Variants in DENND4A observed in about 807,000 individuals in gnomAD.
DENND4A encodes the protein C-myc promoter-binding protein.
In DENND4A, 70 loss-of-function variants were observed where a neutral mutation model predicts 199.3. That is an observed-to-expected ratio of 0.35 (90% CI 0.29 to 0.43). DENND4A has a LOEUF of 0.43. Among genes scored for constraint, DENND4A ranks in the 20% least tolerant of loss-of-function variants. The probability of loss-of-function intolerance (pLI) is 1.00; values close to 1 mark genes in which losing one functional copy is unlikely to be tolerated. For missense variants in DENND4A, 1,723 were observed against 2,255.8 expected (o/e 0.76, Z 4.78); for synonymous variants, 686 against 766.9 (o/e 0.89, Z 1.74).
Position 65,701,205 on chromosome 15 carries a change from CAAAAT to C in DENND4A, c.2560-18_2560-14del. 1 of 1,535,044 alleles carries C rather than the reference CAAAAT, an allele frequency of 6.5e-7. No homozygotes were observed. Among genetic ancestry groups the C allele is most frequent in the Non-Finnish European group, 8.7e-7 (1 of 1,146,524 alleles). On this transcript the variant is annotated splice_polypyrimidine_tract_variant and intron_variant, in intron 18 of 32. Coordinates refer to ENST00000443035, the MANE Select transcript of DENND4A (RefSeq NM_001320835.1). The stretch of plus-strand genomic sequence containing the variant: ...TTTCCAAAACAGCCTATTCATTCAA[CAAAAT>C]AAAATAATTAGTAAAATAATTTTTA...
At chr15:65,699,807 G>C (rs895994654) in intron 20 of DENND4A, among the ~76,000 whole-genome samples, 1 of 151,022 alleles carries the variant, frequency 6.6e-6, no homozygotes, top group Non-Finnish European at 1.5e-5. Flanking sequence ...AGCCTCCCTA[G>C]TATCTGGGAG....
chr15:65,727,724 A>T, intron 11 of DENND4A: 1 of 214,556 alleles, frequency 4.7e-6, no homozygotes. Context: ...TATTATAAAC[A>T]TGTCCTGTGG....
At position 65,737,708 on chromosome 15, in the gene DENND4A, T is replaced by C; in HGVS notation, c.1039A>G (p.Lys347Glu). The C allele has an allele frequency of 6.4e-7, 1 of 1,566,256 alleles. No homozygotes were observed. Among genetic ancestry groups the C allele is most frequent in the Non-Finnish European group, 8.7e-7 (1 of 1,155,146 alleles). Residue 347 changes from lysine (K) to glutamate (E), a missense_variant and splice_region_variant, in exon 7 of 33, where the codon AAG (lysine) becomes GAG (glutamate). By Grantham distance (56) the Lys-to-Glu change is moderately conservative. Transcript: ENST00000443035. Reference sequence around the variant, plus strand: ...TTGAACCAAGAACACTTAACTTACTTCTCAATTGGAAGGACATGAGGCCCA... The same window carrying C: ...TTGAACCAAGAACACTTAACTTACTCCTCAATTGGAAGGACATGAGGCCCA... ...ISGPHVLPIEKHISHFMHKVP... is the reference protein window; with the variant it reads ...ISGPHVLPIEEHISHFMHKVP...
At chr15:65,757,721 G>A (rs2076745269) in intron 2 of DENND4A, among the ~76,000 whole-genome samples, 2 of 152,200 alleles carry the variant, frequency 1.3e-5, no homozygotes, top group South Asian at 2.1e-4. Context: ...GGTGGCTCAC[G>A]CCTGTAATCC....
rs532764535 is a variant in DENND4A at position 65,755,801 on chromosome 15, T to G, written c.311+339A>C. 7.9e-5 allele frequency among the ~76,000 whole-genome samples: 12 copies of G among 152,300 alleles called. No individual in the cohort carries two copies. In the East Asian group the frequency reaches 2.3e-3, roughly 29 times the overall value. The stretch of plus-strand genomic sequence containing the variant: ...AAAAATCCATCTATACTGATCATTA[T>G]AACATGCTTAAAAGCCTTTTTTCGT... On this transcript the variant is annotated intron_variant, in intron 3 of 32. Coordinates refer to ENST00000443035, the MANE Select transcript of DENND4A (RefSeq NM_001320835.1).
In DENND4A at chr15:65,691,058, G is replaced by A; in HGVS notation, c.3536C>T (p.Ala1179Val). ...DLDSETDVSK[A>V]GCVATQNPKR... ...GGGATTTTGTGTAGCAACACATCCT[G>A]CTTTTGATACATCTGTTTCACTGTC... Residue 1179 changes from alanine to valine, a missense_variant, in exon 23 of 33, where the codon GCA becomes GTA. Physicochemically the swap from Ala to Val is moderately conservative, Grantham distance 64. Coordinates refer to ENST00000443035, the MANE Select transcript of DENND4A (RefSeq NM_001320835.1). 6.2e-7 allele frequency: 1 copy of A among 1,612,826 alleles called. No individual in the cohort carries two copies. Among genetic ancestry groups the A allele is most frequent in the Non-Finnish European group, 8.5e-7 (1 of 1,179,410 alleles).
intron 14 of DENND4A, among the ~76,000 whole-genome samples, chr15:65,714,291 T>G (rs1334715614): frequency 6.6e-6 from 1 of 151,876 alleles, no homozygotes; most frequent in Non-Finnish European, 1.5e-5. Flanking sequence ...CGGGTGCCTG[T>G]AGTCCCAGCT....
intron 4 of DENND4A, among the ~76,000 whole-genome samples, chr15:65,743,305 T>C (rs895939212): frequency 3.3e-5 from 5 of 152,222 alleles, no homozygotes; most frequent in Non-Finnish European, 7.3e-5. Flanking sequence ...CATAATTTAT[T>C]CTGCTTTAAG....
At chr15:65,696,809 A>T (rs76022458) in intron 21 of DENND4A, 1 of 279,842 alleles carries the variant, frequency 3.6e-6, no homozygotes, top group South Asian at 4.5e-5. Context: ...TCCATTAAAC[A>T]AACTTTTTTT....
chr15:65,772,108 C>T, intron 1 of DENND4A: 2 of 899,574 alleles, frequency 2.2e-6, no homozygotes, highest in Non-Finnish European at 3.7e-6. Context: ...ACGATGTCGA[C>T]ACATTTCTCA....
At chr15:65,772,146 T>C (rs2077149904) in intron 1 of DENND4A, 1 of 742,592 alleles carries the variant, frequency 1.3e-6, no homozygotes, top group South Asian at 1.6e-5. Flanking sequence ...CTCCATAGCT[T>C]GCTCCTTCGA....
chr15:65,785,259 G>A (rs545088420), intron 1 of DENND4A, among the ~76,000 whole-genome samples: 2 of 151,624 alleles, frequency 1.3e-5, no homozygotes, highest in Non-Finnish European at 2.9e-5. Context: ...CAGCACTTTG[G>A]GGGGCCAAGG....
Position 65,703,024 on chromosome 15 carries a change from C to T in DENND4A, c.2088-16G>A, listed in dbSNP as rs373722350. 5 of 1,602,244 alleles carry T rather than the reference C, an allele frequency of 3.1e-6. No individual in the cohort carries two copies. The African/African-American group carries it at 5.4e-5, about 17-fold the overall frequency. ...TCCATTATAGCTGTTTTAGAAAAAA[C>T]AAAACAAAACAAAAAAGAGTTCTCA... On this transcript the variant is annotated splice_polypyrimidine_tract_variant and intron_variant, in intron 15 of 32. Transcript: ENST00000443035.
chr15:65,726,047 C>A (rs1302789911), intron 11 of DENND4A: 1 of 152,142 alleles, frequency 6.6e-6, no homozygotes, highest in East Asian at 1.9e-4. Flanking sequence ...TTCTTTGATT[C>A]TTTAACTCAT....
intron 27 of DENND4A, among the ~76,000 whole-genome samples, 171 bp from the exon 28 acceptor site, chr15:65,668,294 T>C (rs2076109320): frequency 1.3e-5 from 2 of 151,718 alleles, no homozygotes; most frequent in African/African-American, 4.8e-5. Flanking sequence ...CTGCAACTTC[T>C]GTCACCTAGG....
At chr15:65,663,770 C>T (rs566041439) in intron 32 of DENND4A, among the ~76,000 whole-genome samples, 1 of 152,184 alleles carries the variant, frequency 6.6e-6, no homozygotes, top group South Asian at 2.1e-4. Context: ...TCACCTCAGC[C>T]TCCCAAGTAG....
rs111628039 is a variant in DENND4A at position 65,702,536 on chromosome 15, T to C, written c.2224-25A>G. ...CCTGGAAAAAATATAAAGATCTTAC[T>C]AATAAATTTATGCACTTAGGCATCT... On this transcript the variant is annotated intron_variant, in intron 16 of 32. Transcript: ENST00000443035. 821 of 1,533,378 alleles carry C rather than the reference T, an allele frequency of 5.4e-4. 3 individuals carry two copies. In the African/African-American group the frequency reaches 9.5e-3, roughly 18 times the overall value. 95.0% of individuals were successfully genotyped at this position (1,533,378 alleles called of 1,614,324 possible).
intron 30 of DENND4A, 145 bp downstream of exon 30, chr15:65,665,200 C>T (rs2075995272): frequency 1.7e-6 from 1 of 586,454 alleles, no homozygotes. Flanking sequence ...AACACTCACT[C>T]TCAAACAAAA....
intron 4 of DENND4A, among the ~76,000 whole-genome samples, chr15:65,744,203 A>G (rs956374600): frequency 2.0e-5 from 3 of 152,170 alleles, no homozygotes; most frequent in African/African-American, 7.2e-5. Context: ...GAAGTACAGT[A>G]TAAGAGTCAA....
Sources: gnomAD v4.1 joint callset for allele counts (sites outside exome capture counted in the v4.1 genomes callset) on GRCh38, gnomAD v4.1.1 for gene constraint, MANE v1.5 for transcripts, NCBI Gene and HGNC (gene_info 2026-07-23, HGNC 2026-07-21) for gene names.